The following STEAP1B variants were observed in gnomAD, a reference collection of about 807,000 sequenced individuals.
STEAP1B encodes the protein STEAP family protein MGC87042.
STEAP1B carries 13 observed loss-of-function variants against 27.9 expected under a neutral mutation model. The ratio of observed to expected loss-of-function variants is 0.47; its 90% CI spans 0.30 to 0.74. STEAP1B has a LOEUF of 0.74. Ranked by LOEUF, STEAP1B falls within the 30% of genes least tolerant of loss-of-function variation. The pLI is 0.06. For missense variants in STEAP1B, 250 were observed against 298.7 expected (o/e 0.84, Z 1.20); for synonymous variants, 86 against 107.1 (o/e 0.80, Z 1.22).
intron 4 of STEAP1B, among the ~76,000 whole-genome samples, chr7:22,443,823 C>T (rs905340181): frequency 2.6e-5 from 4 of 152,178 alleles, no homozygotes; most frequent in Non-Finnish European, 5.9e-5. Flanking sequence ...TTCCACTCGG[C>T]TGGAGCCACC....
At chr7:22,430,854 T>A (rs1157214050) in intron 4 of STEAP1B, among the ~76,000 whole-genome samples, 15 of 152,224 alleles carry the variant, frequency 9.9e-5, no homozygotes, top group Admixed American at 9.2e-4. Flanking sequence ...TGACCTGCAT[T>A]TTTCCCAATC....
chr7:22,478,475 G>A (rs1452265817), intron 4 of STEAP1B, among the ~76,000 whole-genome samples: 6 of 151,994 alleles, frequency 3.9e-5, no homozygotes, highest in East Asian at 1.9e-4. Flanking sequence ...ATAGCCACAC[G>A]CTGTCACAGG....
chr7:22,489,970 C>A (rs73085141), intron 4 of STEAP1B, among the ~76,000 whole-genome samples: 13,363 of 152,154 alleles, frequency 0.088, 629 homozygotes, highest in East Asian at 0.11. Flanking sequence ...ATAATGTTAC[C>A]TTTCATGGTC....
intron 4 of STEAP1B, among the ~76,000 whole-genome samples, chr7:22,470,688 A>G (rs1014476074): frequency 1.3e-5 from 2 of 152,162 alleles, no homozygotes; most frequent in African/African-American, 4.8e-5. Context: ...GAATCCTGGA[A>G]TAGAAAAACT....
intron 4 of STEAP1B, among the ~76,000 whole-genome samples, chr7:22,486,397 T>A (rs1473186186): frequency 1.3e-5 from 2 of 152,118 alleles, no homozygotes; most frequent in African/African-American, 2.4e-5. Context: ...TTAAGAGAGT[T>A]ATTGCAAACA....
intron 4 of STEAP1B, among the ~76,000 whole-genome samples, chr7:22,431,604 C>A (rs1165469865): frequency 6.6e-6 from 1 of 152,226 alleles, no homozygotes; most frequent in Non-Finnish European, 1.5e-5. Flanking sequence ...TTGACCTTCA[C>A]CTTTGCTCCA....
intron 4 of STEAP1B, among the ~76,000 whole-genome samples, chr7:22,473,636 C>G (rs1750504736): frequency 6.6e-6 from 1 of 152,194 alleles, no homozygotes; most frequent in African/African-American, 2.4e-5. Flanking sequence ...ACTACCTGGT[C>G]TCCAACCCCA....
At chr7:22,424,909 C>T (rs1785087722) in intron 4 of STEAP1B, among the ~76,000 whole-genome samples, 1 of 135,164 alleles carries the variant, frequency 7.4e-6, no homozygotes, top group African/African-American at 2.7e-5. Context: ...AAAAAAAAAT[C>T]ACATTAGGAT....
chr7:22,490,059 G>A (rs1204537977), intron 4 of STEAP1B, among the ~76,000 whole-genome samples: 1 of 152,136 alleles, frequency 6.6e-6, no homozygotes, highest in Non-Finnish European at 1.5e-5. Context: ...TCCAAGCTAT[G>A]CGTAATTTCT....
intron 4 of STEAP1B, among the ~76,000 whole-genome samples, chr7:22,458,313 G>C (rs1223832215): frequency 6.6e-6 from 1 of 152,100 alleles, no homozygotes; most frequent in African/African-American, 2.4e-5. Flanking sequence ...AAATGCACAG[G>C]GGGCCATGGG....
At chr7:22,473,817 A>G (rs1785927093) in intron 4 of STEAP1B, among the ~76,000 whole-genome samples, 1 of 152,184 alleles carries the variant, frequency 6.6e-6, no homozygotes, top group African/African-American at 2.4e-5. Flanking sequence ...AGATCACACC[A>G]GGAGTTGCAG....
intron 4 of STEAP1B, among the ~76,000 whole-genome samples, chr7:22,475,594 T>C (rs1193717257): frequency 6.6e-6 from 1 of 152,156 alleles, no homozygotes; most frequent in East Asian, 1.9e-4. Context: ...GGTCTCAAAC[T>C]CCTGGCTTTA....
intron 4 of STEAP1B, among the ~76,000 whole-genome samples, chr7:22,433,929 T>G (rs987044594): frequency 1.3e-5 from 2 of 152,270 alleles, no homozygotes; most frequent in East Asian, 1.9e-4. Flanking sequence ...TTCACAACAG[T>G]GTTATGGCGG....
intron 4 of STEAP1B, among the ~76,000 whole-genome samples, chr7:22,453,790 T>C (rs780799060): frequency 6.6e-6 from 1 of 152,248 alleles, no homozygotes; most frequent in Non-Finnish European, 1.5e-5. Flanking sequence ...TTGTATCTCT[T>C]TGTATACATG....
chr7:22,494,748 T>C, intron 2 of STEAP1B, 24 bp downstream of exon 2: 1 of 1,365,080 alleles, frequency 7.3e-7, no homozygotes, highest in African/African-American at 1.5e-5. Context: ...TTATTATTTA[T>C]TATTGTCATT....
chr7:22,497,431 T>C (rs1786460513), intron 1 of STEAP1B, among the ~76,000 whole-genome samples: 1 of 152,186 alleles, frequency 6.6e-6, no homozygotes, highest in African/African-American at 2.4e-5. Flanking sequence ...TGAAACTAGA[T>C]CCTGAATTTT....
rs1786134973 is a variant in STEAP1B at position 22,484,207 on chromosome 7, C to T, written c.762+8358G>A. On this transcript the variant is annotated intron_variant, in intron 4 of 4. Transcript: ENST00000678116. Reference sequence around the variant, plus strand: ...AGAATTTCAATGTAGACAAAAATAGCCCTCTTGGAAGATGCCATCTAGGAG... The same window carrying T: ...AGAATTTCAATGTAGACAAAAATAGTCCTCTTGGAAGATGCCATCTAGGAG... Among the ~76,000 whole-genome samples, 3 of 152,186 alleles carry T rather than the reference C, an allele frequency of 2.0e-5. 1 individual carries two copies. The highest frequency in any genetic ancestry group is 2.0e-4 in the Admixed American group (3 of 15,276).
chr7:22,443,821 G>T (rs573414135), intron 4 of STEAP1B, among the ~76,000 whole-genome samples: 1 of 152,132 alleles, frequency 6.6e-6, no homozygotes, highest in South Asian at 2.1e-4. Flanking sequence ...ACTTCCACTC[G>T]GCTGGAGCCA....
Position 22,498,315 on chromosome 7 carries a change from C to T in STEAP1B, c.-32+1799G>A, listed in dbSNP as rs1271784369. On this transcript the variant is annotated intron_variant, in intron 1 of 4. Coordinates refer to ENST00000678116, the MANE Select transcript of STEAP1B (RefSeq NM_001382447.1). Reference sequence around the variant, plus strand: ...CTCCCACCAGACCCCAGCTCCCGCACTGGGGGTTACATTTCAACATGAGAT... The same window carrying T: ...CTCCCACCAGACCCCAGCTCCCGCATTGGGGGTTACATTTCAACATGAGAT... Among the ~76,000 whole-genome samples the T allele has an allele frequency of 2.0e-5, 3 of 152,238 alleles. No individual in the cohort carries two copies. In the East Asian group the frequency reaches 5.8e-4, roughly 30 times the overall value.
Sources: gnomAD v4.1 joint callset for allele counts (sites outside exome capture counted in the v4.1 genomes callset) on GRCh38, gnomAD v4.1.1 for gene constraint, MANE v1.5 for transcripts, NCBI Gene and HGNC (gene_info 2026-07-23, HGNC 2026-07-21) for gene names.